Variants in EEF1AKMT1 observed in about 807,000 individuals in gnomAD.
EEF1AKMT1 encodes the protein N-6 adenine-specific DNA methyltransferase 2 (putative).
Under a neutral mutation model 21.0 loss-of-function variants are expected in EEF1AKMT1, and 18 were observed. That is an observed-to-expected ratio of 0.86 (90% CI 0.59 to 1.27). EEF1AKMT1 has a LOEUF of 1.27. Among genes scored for constraint, EEF1AKMT1 ranks in the 50% most tolerant of loss-of-function variants. EEF1AKMT1 has a pLI of 0.00. For missense variants in EEF1AKMT1, 246 were observed against 258.6 expected (o/e 0.95, Z 0.33); for synonymous variants, 109 against 94.8 (o/e 1.15, Z -0.87).
rs202246353 is a variant in EEF1AKMT1 at position 20,731,878 on chromosome 13, G to T, written c.471C>A (p.Val157=). ...GAATCTTGCCCCGCGTCAGGTACTT[G>T]ACGGTTTCCGATGTTTTTCTGAGAC... ...EECLRKTSET[V]KYLTRGKILL... The change falls in exon 4 of 5, where the codon GTC becomes GTA. Residue 157 remains valine (V), a synonymous_variant. Transcript: ENST00000382758. 6.2e-7 allele frequency: 1 copy of T among 1,614,164 alleles called. No individual in the cohort carries two copies. The highest frequency in any genetic ancestry group is 8.5e-7 in the Non-Finnish European group (1 of 1,180,018).
Position 20,760,104 on chromosome 13 carries a change from C to CAA in EEF1AKMT1, c.-19-2489_-19-2488dup, listed in dbSNP as rs56891551. 6.8e-3 allele frequency among the ~76,000 whole-genome samples: 384 copies of CAA among 56,172 alleles called. 17 individuals carry two copies. Among genetic ancestry groups the CAA allele is most frequent in the African/African-American group, 0.032 (358 of 11,154 alleles). 36.9% of individuals were successfully genotyped at this position (56,172 alleles called of 152,430 possible). On this transcript the variant is annotated intron_variant, in intron 1 of 4. Coordinates refer to ENST00000382758, the MANE Select transcript of EEF1AKMT1 (RefSeq NM_001318939.2). ...TGGGGAACAGAGCGAGACTCTGTCT[C>CAA]AAAAAAAAAAAAAAAAAAAAAGTCA...
At chr13:20,757,316 C>T in intron 2 of EEF1AKMT1, 139 bp downstream of exon 2, 1 of 913,952 alleles carries the variant, frequency 1.1e-6, no homozygotes, top group Non-Finnish European at 1.7e-6. Flanking sequence ...TCTGTCTTAG[C>T]TCCCCATAGA....
At chr13:20,763,074 C>T (rs78385022) in intron 1 of EEF1AKMT1, among the ~76,000 whole-genome samples, 222 of 152,196 alleles carry the variant, frequency 1.5e-3, no homozygotes, top group African/African-American at 5.3e-3. Flanking sequence ...ATTTCGTCAC[C>T]TATCTTCATG....
intron 1 of EEF1AKMT1, among the ~76,000 whole-genome samples, chr13:20,770,612 A>ATT (rs2059057797): frequency 6.6e-6 from 1 of 152,222 alleles, no homozygotes; most frequent in South Asian, 2.1e-4. Flanking sequence ...AACATGGCAA[A>ATT]ATGATCTGCA....
intron 3 of EEF1AKMT1, among the ~76,000 whole-genome samples, chr13:20,736,422 C>T (rs143505872): frequency 3.0e-3 from 450 of 152,184 alleles, no homozygotes; most frequent in Non-Finnish European, 5.2e-3. Flanking sequence ...TAGCAGCTAT[C>T]GGAGGAGGTA....
At position 20,754,272 on chromosome 13, in the gene EEF1AKMT1, C is replaced by CTT. The variant is rs71087094; in HGVS notation, c.144+3181_144+3182dup. 9.7e-3 allele frequency among the ~76,000 whole-genome samples: 1,452 copies of CTT among 149,556 alleles called. 20 individuals are homozygous for CTT. Among genetic ancestry groups the CTT allele is most frequent in the African/African-American group, 0.034 (1,383 of 40,762 alleles). ...AATCTTTTGTTGGCAGTTTTTTTTTCTTTTTTTTTCTTTCAATATTTTGAA... is the reference window on the plus strand; with the variant it reads ...AATCTTTTGTTGGCAGTTTTTTTTTCTTTTTTTTTTTCTTTCAATATTTTGAA... On this transcript the variant is annotated intron_variant, in intron 2 of 4. Transcript: ENST00000382758.
At chr13:20,754,710 A>G (rs1398290966) in intron 2 of EEF1AKMT1, among the ~76,000 whole-genome samples, 4 of 149,704 alleles carry the variant, frequency 2.7e-5, no homozygotes, top group African/African-American at 9.9e-5. Flanking sequence ...AGCCTGGCCA[A>G]CATGGTAAAA....
chr13:20,755,598 G>A (rs2058967614), intron 2 of EEF1AKMT1, among the ~76,000 whole-genome samples: 1 of 152,148 alleles, frequency 6.6e-6, no homozygotes, highest in Non-Finnish European at 1.5e-5. Context: ...CTCACCTTAG[G>A]TGTTTCCTGT....
At chr13:20,766,026 G>T (rs771280417) in intron 1 of EEF1AKMT1, among the ~76,000 whole-genome samples, 14 of 152,018 alleles carry the variant, frequency 9.2e-5, no homozygotes, top group Non-Finnish European at 1.6e-4. Context: ...GAGGCTGGGC[G>T]TGGTGGCTCA....
chr13:20,753,665 A>G (rs886521129), intron 2 of EEF1AKMT1, among the ~76,000 whole-genome samples: 1 of 152,170 alleles, frequency 6.6e-6, no homozygotes, highest in Admixed American at 6.5e-5. Flanking sequence ...TTATCATTAT[A>G]TGATAACCTT....
intron 2 of EEF1AKMT1, among the ~76,000 whole-genome samples, chr13:20,741,492 C>A (rs1355017314): frequency 2.4e-5 from 3 of 124,658 alleles, no homozygotes; most frequent in African/African-American, 1.0e-4. Context: ...GAGTCTTGCT[C>A]TGTCGCCAGG....
At chr13:20,757,995 A>C (rs1292900221) in intron 1 of EEF1AKMT1, among the ~76,000 whole-genome samples, 2 of 152,198 alleles carry the variant, frequency 1.3e-5, no homozygotes, top group East Asian at 3.9e-4. Context: ...ACAGGCCCCG[A>C]AAGAAGTTGA....
intron 4 of EEF1AKMT1, among the ~76,000 whole-genome samples, chr13:20,729,954 C>T (rs533361936): frequency 6.6e-6 from 1 of 152,316 alleles, no homozygotes; most frequent in South Asian, 2.1e-4. Context: ...CGTCCCGTCG[C>T]CTTGGGCTTC....
chr13:20,732,192 T>A, intron 3 of EEF1AKMT1, 71 bp from the exon 4 acceptor site: 1 of 1,480,624 alleles, frequency 6.8e-7, no homozygotes, highest in Non-Finnish European at 9.1e-7. Context: ...ACTTCTTCAC[T>A]AAACAATACA....
intron 1 of EEF1AKMT1, among the ~76,000 whole-genome samples, chr13:20,768,414 C>T (rs1268881754): frequency 6.6e-6 from 1 of 152,174 alleles, no homozygotes; most frequent in East Asian, 1.9e-4. Flanking sequence ...GTTTTCCAGT[C>T]CAGCTGGTAG....
chr13:20,757,649 ATT>A, intron 1 of EEF1AKMT1, 32 bp from the exon 2 acceptor site: 3 of 1,530,766 alleles, frequency 2.0e-6, no homozygotes, highest in Non-Finnish European at 2.6e-6. Flanking sequence ...TTCTGTGCAG[ATT>A]TTGTTTCCCC....
chr13:20,772,011 C>CAA (rs56004404), intron 1 of EEF1AKMT1, among the ~76,000 whole-genome samples: 164 of 148,084 alleles, frequency 1.1e-3, no homozygotes, highest in East Asian at 2.2e-3. Context: ...GACTACATTT[C>CAA]AAAAAAAAAA....
intron 1 of EEF1AKMT1, among the ~76,000 whole-genome samples, chr13:20,766,026 G>A (rs771280417): frequency 1.3e-5 from 2 of 151,904 alleles, no homozygotes; most frequent in Non-Finnish European, 2.9e-5. Context: ...GAGGCTGGGC[G>A]TGGTGGCTCA....
Position 20,731,783 on chromosome 13 carries a change from T to C in EEF1AKMT1, c.508+58A>G, listed in dbSNP as rs916959576. 2.2e-5 allele frequency: 34 copies of C among 1,544,686 alleles called. 1 individual carries two copies. Among genetic ancestry groups the C allele is most frequent in the Non-Finnish European group, 2.8e-5 (32 of 1,142,710 alleles). On this transcript the variant is annotated intron_variant, in intron 4 of 4. Coordinates refer to ENST00000382758, the MANE Select transcript of EEF1AKMT1 (RefSeq NM_001318939.2). ...TGGACTCAGGATTTTTTCTTGACCC[T>C]GAAGACCTGAATAGCCACTGTCAGT...
Sources: allele counts gnomAD v4.1 joint callset (sites outside exome capture counted in the v4.1 genomes callset), GRCh38; gene constraint gnomAD v4.1.1; transcripts MANE v1.5; gene names NCBI Gene and HGNC (gene_info 2026-07-23, HGNC 2026-07-21).